Variants in SWT1 observed in about 807,000 individuals in gnomAD.
SWT1 encodes the protein transcriptional protein SWT1.
A neutral mutation model predicts 107.3 loss-of-function variants in SWT1; 33 were observed. The observed-to-expected ratio is 0.31, with a 90% CI of 0.23 to 0.41. The LOEUF (loss-of-function observed/expected upper bound fraction) is 0.41, where lower values mean the gene tolerates loss of function less well. Ranked by LOEUF, SWT1 falls within the 10% of genes least tolerant of loss-of-function variation. The probability of loss-of-function intolerance (pLI) is 1.00; values close to 1 mark genes in which losing one functional copy is unlikely to be tolerated. For synonymous variants in SWT1, 345 were observed against 348.3 expected (o/e 0.99, Z 0.11); for missense variants, 898 against 1,028.9 (o/e 0.87, Z 1.74).
chr1:185,179,557 A>G lies in SWT1; in HGVS notation c.967-834A>G, dbSNP rs139600401. Among the ~76,000 whole-genome samples the G allele has an allele frequency of 5.6e-3, 859 of 152,246 alleles. 8 individuals are homozygous for G. Among genetic ancestry groups the G allele is most frequent in the African/African-American group, 0.02 (826 of 41,544 alleles). On this transcript the variant is annotated intron_variant, in intron 5 of 18. Coordinates refer to ENST00000367500, the MANE Select transcript of SWT1 (RefSeq NM_017673.7). ...CATATAATATAACCGTGCATTGTTC[A>G]GCTTTTCTTTTTTAGCCTTATTGTA... is the stretch of plus-strand genomic sequence containing the variant.
chr1:185,289,669 A>G (rs545619346), intron 18 of SWT1, among the ~76,000 whole-genome samples: 3 of 152,282 alleles, frequency 2.0e-5, no homozygotes, highest in East Asian at 1.9e-4. Flanking sequence ...GTGGAATACT[A>G]TTCACTCTTA....
chr1:185,260,139 T>C (rs541043695), intron 16 of SWT1, among the ~76,000 whole-genome samples: 1 of 152,236 alleles, frequency 6.6e-6, no homozygotes, highest in East Asian at 1.9e-4. Flanking sequence ...GCTTAGGTGG[T>C]ACCAAATAGA....
At chr1:185,190,208 A>G (rs1571456785) in intron 9 of SWT1, among the ~76,000 whole-genome samples, 1 of 152,176 alleles carries the variant, frequency 6.6e-6, no homozygotes, top group Non-Finnish European at 1.5e-5. Context: ...AAATTGCACA[A>G]AAGACATCAA....
intron 1 of SWT1, among the ~76,000 whole-genome samples, chr1:185,158,820 C>G (rs1394659638): frequency 6.6e-6 from 1 of 152,196 alleles, no homozygotes; most frequent in African/African-American, 2.4e-5. Flanking sequence ...ATTTATTACT[C>G]CACAGTTTCT....
chr1:185,214,732 GTAAAGGA>G, intron 14 of SWT1, 77 bp downstream of exon 14: 1 of 1,208,516 alleles, frequency 8.3e-7, no homozygotes, highest in Non-Finnish European at 1.2e-6. Flanking sequence ...ACAACAGTAG[GTAAAGGA>G]TAATTTAATT....
intron 9 of SWT1, among the ~76,000 whole-genome samples, chr1:185,187,770 C>T (rs906074833): frequency 1.2e-4 from 18 of 152,068 alleles, no homozygotes; most frequent in Non-Finnish European, 1.2e-4. Flanking sequence ...CTGCAATCTC[C>T]GCCTCCCGGC....
At chr1:185,205,140 GA>G (rs759650031) in intron 12 of SWT1, among the ~76,000 whole-genome samples, 1 of 151,468 alleles carries the variant, frequency 6.6e-6, no homozygotes, top group Non-Finnish European at 1.5e-5. Flanking sequence ...TAAATTGAAT[GA>G]AAAAAAACTT....
chr1:185,276,780 A>G (rs1433039211), intron 18 of SWT1, 112 bp downstream of exon 18: 9 of 489,038 alleles, frequency 1.8e-5, no homozygotes, highest in African/African-American at 6.0e-5. Flanking sequence ...TTTTCACTAC[A>G]CTGTTTTTTT....
chr1:185,246,774 C>T (rs528229198), intron 16 of SWT1, among the ~76,000 whole-genome samples: 13 of 151,298 alleles, frequency 8.6e-5, no homozygotes, highest in South Asian at 4.2e-4. Context: ...GGACTACAGG[C>T]GCACTCCACC....
Position 185,174,554 on chromosome 1 carries a change from A to C in SWT1, c.407A>C (p.Lys136Thr), listed in dbSNP as rs372024150. ...GTAGACTTTAAACCTAAAGATATCA[A>C]ATTGACAAATGCTGGGAGCAAGCTT... ...KCVDFKPKDI[K>T]LTNAGSKLDH... The change falls in exon 5 of 19, where the codon AAA becomes ACA. Residue 136 changes from lysine (K) to threonine (T), a missense_variant. Transcript: ENST00000367500. 5.6e-6 allele frequency: 9 copies of C among 1,607,330 alleles called. No individual in the cohort carries two copies. The South Asian group carries it at 1.0e-4, about 18-fold the overall frequency.
At chr1:185,189,412 A>G (rs1027528192) in intron 9 of SWT1, among the ~76,000 whole-genome samples, 6 of 152,186 alleles carry the variant, frequency 3.9e-5, no homozygotes, top group African/African-American at 1.4e-4. Flanking sequence ...CCTAGGGCCC[A>G]TATTTCTTTC....
intron 14 of SWT1, among the ~76,000 whole-genome samples, chr1:185,218,170 A>C (rs1323703888): frequency 6.6e-6 from 1 of 152,246 alleles, no homozygotes; most frequent in Non-Finnish European, 1.5e-5. Flanking sequence ...GATTACCTCC[A>C]AAGATATGGT....
At chr1:185,184,975 T>C in intron 9 of SWT1, 44 bp downstream of exon 9, 2 of 1,322,004 alleles carry the variant, frequency 1.5e-6, no homozygotes, top group Non-Finnish European at 2.0e-6. Context: ...AATACTTGTT[T>C]GGGTGCAGAC....
chr1:185,186,334 C>G (rs1361032574), intron 9 of SWT1, among the ~76,000 whole-genome samples: 1 of 152,074 alleles, frequency 6.6e-6, no homozygotes, highest in Admixed American at 6.5e-5. Context: ...GGCTTTAAGA[C>G]TATGAATTGG....
At chr1:185,290,627 C>A in intron 18 of SWT1, 47 bp from the exon 19 acceptor site, 1 of 1,396,564 alleles carries the variant, frequency 7.2e-7, no homozygotes, top group South Asian at 1.8e-5. Context: ...ATTTTTATTT[C>A]TCTGACTAGC....
At chr1:185,158,118 A>G (rs1334865526) in intron 1 of SWT1, among the ~76,000 whole-genome samples, 6 of 152,214 alleles carry the variant, frequency 3.9e-5, no homozygotes, top group South Asian at 2.1e-4. Context: ...TTCTTAGTTA[A>G]TTAAGTTGAT....
intron 10 of SWT1, among the ~76,000 whole-genome samples, chr1:185,201,601 A>T (rs976437451): frequency 6.6e-6 from 1 of 152,048 alleles, no homozygotes; most frequent in Non-Finnish European, 1.5e-5. Context: ...ACCAGTCCCA[A>T]TGAGATGAGT....
intron 18 of SWT1, among the ~76,000 whole-genome samples, chr1:185,286,925 A>G (rs1424239308): frequency 3.9e-5 from 6 of 152,206 alleles, no homozygotes; most frequent in African/African-American, 1.4e-4. Context: ...TGAGGAGGAA[A>G]GCATTCATTC....
chr1:185,180,376 T>A lies in SWT1; in HGVS notation c.967-15T>A. 6.3e-7 allele frequency: 1 copy of A among 1,599,396 alleles called. No individual in the cohort carries two copies. Among genetic ancestry groups the A allele is most frequent in the Non-Finnish European group, 8.6e-7 (1 of 1,166,686 alleles). ...TATGCTTTATTCTTAGCTAATGAAA[T>A]TACTTTCATTTCAGAGTTTTGAAGC... is the stretch of plus-strand genomic sequence containing the variant. On this transcript the variant is annotated splice_polypyrimidine_tract_variant and intron_variant, in intron 5 of 18. Coordinates refer to ENST00000367500, the MANE Select transcript of SWT1 (RefSeq NM_017673.7).
Sources: gnomAD v4.1 joint callset for allele counts (sites outside exome capture counted in the v4.1 genomes callset) on GRCh38, gnomAD v4.1.1 for gene constraint, MANE v1.5 for transcripts, NCBI Gene and HGNC (gene_info 2026-07-23, HGNC 2026-07-21) for gene names.